The following C13orf42 variants were observed in gnomAD, a reference collection of about 807,000 sequenced individuals.
C13orf42 encodes the protein chromosome 13 open reading frame 42.
At chr13:51,169,775 TGA>T (rs1354573049) in intron 1 of C13orf42, among the ~76,000 whole-genome samples, 2 of 152,102 alleles carry the variant, frequency 1.3e-5, no homozygotes, top group African/African-American at 4.8e-5. Context: ...ACACAGAGTG[TGA>T]GAGTTGAAGC....
intron 1 of C13orf42, among the ~76,000 whole-genome samples, chr13:51,090,797 T>C (rs1953173698): frequency 6.6e-6 from 1 of 152,196 alleles, no homozygotes; most frequent in Admixed American, 6.5e-5. Flanking sequence ...GGCCATTGGC[T>C]AGCTTAACAT....
intron 1 of C13orf42, among the ~76,000 whole-genome samples, chr13:51,133,276 C>G (rs1039246314): frequency 3.9e-5 from 6 of 152,072 alleles, no homozygotes; most frequent in African/African-American, 1.2e-4. Context: ...TAGTCAGATT[C>G]ATAGAGAAGG....
chr13:51,095,329 C>A (rs1388188353), intron 1 of C13orf42, among the ~76,000 whole-genome samples: 1 of 150,514 alleles, frequency 6.6e-6, no homozygotes, highest in Admixed American at 6.6e-5. Flanking sequence ...TGTTATTGAT[C>A]CTGCTTGGTT....
At chr13:51,112,502 A>T (rs1338901538), upstream of C13orf42, among the ~76,000 whole-genome samples, 1 of 152,198 alleles carries the variant, frequency 6.6e-6, no homozygotes. Flanking sequence ...TGACTGTAAA[A>T]TATCATTATA....
At chr13:51,148,590 T>C (rs1953755941) in intron 1 of C13orf42, among the ~76,000 whole-genome samples, 1 of 152,182 alleles carries the variant, frequency 6.6e-6, no homozygotes, top group Admixed American at 6.5e-5. Context: ...GAGGTCCCCC[T>C]GGAGGGGGGT....
At chr13:51,090,445 CCT>C (rs1377552316) in intron 1 of C13orf42, among the ~76,000 whole-genome samples, 1 of 152,044 alleles carries the variant, frequency 6.6e-6, no homozygotes. Context: ...CAGCCTGACC[CCT>C]GAGGAAGGAT....
At chr13:51,143,881 G>GT (rs1419133625) in intron 1 of C13orf42, among the ~76,000 whole-genome samples, 1 of 152,110 alleles carries the variant, frequency 6.6e-6, no homozygotes, top group Non-Finnish European at 1.5e-5. Flanking sequence ...TCTTTGGGCT[G>GT]TATTTGTATA....
At chr13:51,161,241 T>A (rs1000430008) in intron 1 of C13orf42, among the ~76,000 whole-genome samples, 1 of 151,506 alleles carries the variant, frequency 6.6e-6, no homozygotes, top group Non-Finnish European at 1.5e-5. Context: ...TAACTGTCAT[T>A]AACAGATTTT....
chr13:51,106,947 T>G (rs1448119663), intron 1 of C13orf42, among the ~76,000 whole-genome samples: 1 of 152,170 alleles, frequency 6.6e-6, no homozygotes, highest in Non-Finnish European at 1.5e-5. Flanking sequence ...TTTTAAAATG[T>G]TGCAAAAAGT....
At chr13:51,136,136 C>G (rs1031344192) in intron 1 of C13orf42, among the ~76,000 whole-genome samples, 1 of 152,158 alleles carries the variant, frequency 6.6e-6, no homozygotes, top group Admixed American at 6.5e-5. Context: ...GACCCCACAA[C>G]CCAGGTTGTG....
At chr13:51,131,950 A>G (rs1953620333) in intron 1 of C13orf42, among the ~76,000 whole-genome samples, 1 of 152,206 alleles carries the variant, frequency 6.6e-6, no homozygotes, top group South Asian at 2.1e-4. Flanking sequence ...TAGAAGAAAC[A>G]AGAGGGATGG....
chr13:51,118,042 C>A (rs888071652), intron 1 of C13orf42, among the ~76,000 whole-genome samples: 2 of 152,204 alleles, frequency 1.3e-5, no homozygotes, highest in African/African-American at 4.8e-5. Flanking sequence ...AATCTACTCA[C>A]AAGGTACCCA....
At chr13:51,132,720 C>T (rs1484166069) in intron 1 of C13orf42, among the ~76,000 whole-genome samples, 1 of 152,106 alleles carries the variant, frequency 6.6e-6, no homozygotes, top group African/African-American at 2.4e-5. Flanking sequence ...GGCATCTGGA[C>T]TAGAGCAACT....
At chr13:51,119,103 G>A (rs1158766234) in intron 1 of C13orf42, among the ~76,000 whole-genome samples, 3 of 151,940 alleles carry the variant, frequency 2.0e-5, no homozygotes, top group African/African-American at 7.3e-5. Context: ...ATGCCCTGGT[G>A]TATGGTGTGC....
rs528796205 is a variant in C13orf42 at position 51,105,096 on chromosome 13, C to T, written c.414+5700G>A. On this transcript the variant is annotated intron_variant, in intron 1 of 3. Coordinates refer to ENST00000563710, the MANE Select transcript of C13orf42 (RefSeq NM_001351589.3). ...TCTCTCCTGGGGTGAACCAATTCTT[C>T]GGAGGATTTTGACAAAGGCCATTGG... Among the ~76,000 whole-genome samples, 42 of 150,676 alleles carry T rather than the reference C, an allele frequency of 2.8e-4. No homozygotes were observed. The South Asian group carries it at 7.7e-3, about 28-fold the overall frequency.
chr13:51,140,442 C>T (rs73188258), intron 1 of C13orf42, among the ~76,000 whole-genome samples: 5,176 of 152,210 alleles, frequency 0.034, 94 homozygotes, highest in Non-Finnish European at 0.044. Context: ...CTTGAATTTT[C>T]GGGGTTCATA....
chr13:51,117,081 G>A (rs1284248386), intron 1 of C13orf42, among the ~76,000 whole-genome samples: 1 of 152,230 alleles, frequency 6.6e-6, no homozygotes, highest in Non-Finnish European at 1.5e-5. Context: ...TGGCTCATTG[G>A]GGCCACAGGT....
chr13:51,116,390 T>C (rs1193070741), intron 1 of C13orf42, among the ~76,000 whole-genome samples: 1 of 152,182 alleles, frequency 6.6e-6, no homozygotes, highest in African/African-American at 2.4e-5. Flanking sequence ...GTTCAACAAC[T>C]TTGGATTTAA....
intron 2 of C13orf42, among the ~76,000 whole-genome samples, chr13:51,087,122 A>AT (rs1953136131): frequency 6.6e-6 from 1 of 152,236 alleles, no homozygotes; most frequent in Admixed American, 6.5e-5. Flanking sequence ...GTCAAAGATT[A>AT]AACAAACTGT....
Sources: allele counts gnomAD v4.1 joint callset (sites outside exome capture counted in the v4.1 genomes callset), GRCh38; gene constraint gnomAD v4.1.1; transcripts MANE v1.5; gene names NCBI Gene and HGNC (gene_info 2026-07-23, HGNC 2026-07-21).